PACRG: variants seen among roughly 807,000 people sequenced by gnomAD.
PACRG encodes the protein parkin coregulated.
A neutral mutation model predicts 29.7 loss-of-function variants in PACRG; 29 were observed. The observed-to-expected ratio is 0.98, with a 90% CI of 0.73 to 1.33. PACRG has a LOEUF of 1.33. PACRG is among the 40% of genes most tolerant of loss of function. The pLI is 0.00. For synonymous variants in PACRG, 116 were observed against 118.7 expected, an observed-to-expected ratio of 0.98 and a Z score of 0.15; for missense variants, 279 against 316.2, an observed-to-expected ratio of 0.88 and a Z score of 0.89.
chr6:162,740,899 A>G (rs1780541968), intron 1 of PACRG, among the ~76,000 whole-genome samples: 2 of 152,016 alleles, frequency 1.3e-5, no homozygotes, highest in African/African-American at 4.8e-5. Context: ...ACGCCCAGCC[A>G]TTTCAATTTT....
At chr6:163,282,683 G>A (rs952411268) in intron 4 of PACRG, among the ~76,000 whole-genome samples, 2 of 148,686 alleles carry the variant, frequency 1.3e-5, no homozygotes, top group Non-Finnish European at 3.0e-5. Flanking sequence ...CTGCACTCCA[G>A]CATGGGCAAC....
chr6:163,145,426 G>A (rs928540672), intron 4 of PACRG, among the ~76,000 whole-genome samples: 1 of 152,280 alleles, frequency 6.6e-6, no homozygotes, highest in Non-Finnish European at 1.5e-5. Flanking sequence ...AATACAATGG[G>A]TCATATTCTG....
chr6:162,986,903 G>A (rs1802947200), intron 2 of PACRG, among the ~76,000 whole-genome samples: 1 of 151,564 alleles, frequency 6.6e-6, no homozygotes, highest in Middle Eastern at 3.4e-3. Context: ...TGTTTCCCTG[G>A]ATAATTTTTC....
At chr6:163,054,050 G>A (rs59229060) in intron 2 of PACRG, 3,169 of 152,296 alleles carry the variant, frequency 0.021, 110 homozygotes, top group African/African-American at 0.072. Flanking sequence ...ATAGTAGGAC[G>A]GCCTCACAGA....
At chr6:163,021,952 A>G (rs965178290) in intron 2 of PACRG, among the ~76,000 whole-genome samples, 2 of 152,188 alleles carry the variant, frequency 1.3e-5, no homozygotes, top group Admixed American at 1.3e-4. Context: ...AATATCCCAA[A>G]ATATTTGATT....
chr6:163,068,989 C>T (rs549670097), intron 3 of PACRG, among the ~76,000 whole-genome samples: 10 of 151,950 alleles, frequency 6.6e-5, no homozygotes, highest in Admixed American at 1.3e-4. Context: ...TTTCTTTATC[C>T]TGCTTATAGA....
intron 2 of PACRG, among the ~76,000 whole-genome samples, chr6:163,020,452 C>T (rs1056564101): frequency 6.6e-6 from 1 of 152,064 alleles, no homozygotes; most frequent in African/African-American, 2.4e-5. Flanking sequence ...CCCTCCCAAT[C>T]TGATTTTTGC....
At chr6:163,243,162 G>A (rs1782566483) in intron 4 of PACRG, among the ~76,000 whole-genome samples, 1 of 152,192 alleles carries the variant, frequency 6.6e-6, no homozygotes, top group Admixed American at 6.5e-5. Flanking sequence ...TCACTGGCTG[G>A]TGCCACTGAT....
At chr6:162,933,533 A>T (rs1429890574) in intron 2 of PACRG, among the ~76,000 whole-genome samples, 1 of 151,412 alleles carries the variant, frequency 6.6e-6, no homozygotes, top group Middle Eastern at 3.4e-3. Flanking sequence ...TGTGAGCATA[A>T]ATATTTACAA....
At chr6:163,217,132 AC>A (rs1781394044) in intron 4 of PACRG, among the ~76,000 whole-genome samples, 1 of 152,194 alleles carries the variant, frequency 6.6e-6, no homozygotes, top group Admixed American at 6.5e-5. Flanking sequence ...GATGGGCAGA[AC>A]CAGGCTTGGC....
At chr6:162,742,653 G>C (rs765941596) in intron 1 of PACRG, among the ~76,000 whole-genome samples, 17 of 151,740 alleles carry the variant, frequency 1.1e-4, no homozygotes, top group Admixed American at 5.2e-4. Flanking sequence ...CAATACTCTT[G>C]TAGTAGTTTT....
At chr6:163,240,083 C>A (rs1432592132) in intron 4 of PACRG, among the ~76,000 whole-genome samples, 1 of 137,786 alleles carries the variant, frequency 7.3e-6, no homozygotes, top group African/African-American at 2.6e-5. Context: ...CACCCCCCCA[C>A]ACACACTCAC....
At chr6:163,295,496 G>A (rs972815292) in intron 4 of PACRG, among the ~76,000 whole-genome samples, 2 of 152,176 alleles carry the variant, frequency 1.3e-5, no homozygotes, top group Non-Finnish European at 2.9e-5. Flanking sequence ...CGTACAGTGG[G>A]TAGATTTGGA....
chr6:162,821,757 A>T (rs1051819450), intron 2 of PACRG, among the ~76,000 whole-genome samples: 4 of 152,192 alleles, frequency 2.6e-5, no homozygotes, highest in African/African-American at 9.6e-5. Flanking sequence ...CTACCCAAGG[A>T]TAATCTCCAG....
intron 2 of PACRG, among the ~76,000 whole-genome samples, chr6:163,033,626 T>G (rs1807876154): frequency 6.6e-6 from 1 of 152,222 alleles, no homozygotes; most frequent in African/African-American, 2.4e-5. Flanking sequence ...TTAAAGCTCT[T>G]TCATTTATAA....
intron 4 of PACRG, among the ~76,000 whole-genome samples, chr6:163,212,539 G>C (rs1212642014): frequency 6.6e-6 from 1 of 152,138 alleles, no homozygotes; most frequent in East Asian, 1.9e-4. Context: ...CACAGATGCT[G>C]GCTCAAAAGG....
chr6:163,285,646 T>G (rs1784373089), intron 4 of PACRG, among the ~76,000 whole-genome samples: 1 of 152,188 alleles, frequency 6.6e-6, no homozygotes, highest in Non-Finnish European at 1.5e-5. Flanking sequence ...AGAAATGAAG[T>G]CCAAGGAAAA....
At chr6:163,044,844 T>C (rs1238229460) in intron 2 of PACRG, 1 of 152,238 alleles carries the variant, frequency 6.6e-6, no homozygotes, top group East Asian at 1.9e-4. Flanking sequence ...GATTTATCCA[T>C]TAAGGTTTTT....
At chr6:162,730,229 TG>T (rs1310157273) in intron 1 of PACRG, among the ~76,000 whole-genome samples, 1 of 152,142 alleles carries the variant, frequency 6.6e-6, no homozygotes, top group Non-Finnish European at 1.5e-5. Context: ...ATAACTTCAG[TG>T]GTACAGGAAA....
Sources: allele counts gnomAD v4.1 joint callset (sites outside exome capture counted in the v4.1 genomes callset), GRCh38; gene constraint gnomAD v4.1.1; transcripts MANE v1.5; gene names NCBI Gene and HGNC (gene_info 2026-07-23, HGNC 2026-07-21).